ACOX3: variants seen among roughly 807,000 people sequenced by gnomAD.
ACOX3 encodes peroxisomal acyl-coenzyme A oxidase 3.
In ACOX3, 73 loss-of-function variants were observed where a neutral mutation model predicts 81.5. The ratio of observed to expected loss-of-function variants is 0.90; its 90% CI spans 0.74 to 1.09. The LOEUF (loss-of-function observed/expected upper bound fraction) is 1.09, where lower values mean the gene tolerates loss of function less well. Ranked by LOEUF, ACOX3 falls within the 50% of genes least tolerant of loss-of-function variation. The probability of loss-of-function intolerance (pLI) is 0.00; values close to 1 mark genes in which losing one functional copy is unlikely to be tolerated. For synonymous variants in ACOX3, 387 were observed against 375.1 expected, an observed-to-expected ratio of 1.03 and a Z score of -0.37; for missense variants, 947 against 928.0, an observed-to-expected ratio of 1.02 and a Z score of -0.27.
At chr4:8,356,828 C>T in the ACOX3 span, 1 of 456,318 alleles carries the variant, frequency 2.2e-6, no homozygotes, top group Non-Finnish European at 4.4e-6. Context: ...ATGATCCCAG[C>T]AGGTGAGAGG....
intron 14 of ACOX3, among the ~76,000 whole-genome samples, chr4:8,378,548 A>G (rs28541824): frequency 0.33 from 49,597 of 151,296 alleles, 11,776 homozygotes; most frequent in African/African-American, 0.68. Flanking sequence ...AGCAGGCTGC[A>G]GGGACGCCAC....
chr4:8,426,589 G>A (rs1390872843), intron 1 of ACOX3, among the ~76,000 whole-genome samples: 1 of 141,182 alleles, frequency 7.1e-6, no homozygotes, highest in African/African-American at 2.7e-5. Context: ...ACTACCAGTA[G>A]CTCCCCTTAC....
chr4:8,360,472 CTTTTTT>C, the ACOX3 span, among the ~76,000 whole-genome samples: 1 of 135,542 alleles, frequency 7.4e-6, no homozygotes. Flanking sequence ...GCTTCTTTGA[CTTTTTT>C]TTTTTTTTTT....
At chr4:8,362,634 C>T (rs62285994), downstream of ACOX3, among the ~76,000 whole-genome samples, 36,583 of 152,132 alleles carry the variant, frequency 0.24, 5,101 homozygotes, top group East Asian at 0.5. Flanking sequence ...AGCCCCTTGG[C>T]GAAATGCCTC....
intron 10 of ACOX3, 21 bp from the exon 11 acceptor site, chr4:8,392,474 CA>C (rs1269640620): frequency 7.8e-6 from 12 of 1,536,570 alleles, no homozygotes; most frequent in African/African-American, 5.6e-5. Context: ...GGGAATCCAA[CA>C]AGAACAGGTG....
At position 8,373,412 on chromosome 4, in the gene ACOX3, T is replaced by TC. The variant is rs1279282835; in HGVS notation, c.1896+148_1896+149insG. The stretch of plus-strand genomic sequence containing the variant: ...GTCGGTCTGGGTAAGGGGGTGCGTG[T>TC]AGGCTCTGGGTGACGCTAAGGGGGT... On this transcript the variant is annotated intron_variant, in intron 16 of 17. Coordinates refer to ENST00000356406, the MANE Select transcript of ACOX3 (RefSeq NM_003501.3). 22 of 783,004 alleles carry TC rather than the reference T, an allele frequency of 2.8e-5. No individual in the cohort carries two copies. The African/African-American group carries it at 3.6e-4, about 13-fold the overall frequency. The allele number at this position is 783,004 out of a possible 1,614,324, so 48.5% of individuals were successfully genotyped here. A position where few individuals can be genotyped will look rare whatever the true frequency, so the allele number is the denominator to read the frequency against.
intron 1 of ACOX3, among the ~76,000 whole-genome samples, chr4:8,417,358 G>C (rs1722450155): frequency 6.6e-6 from 1 of 152,250 alleles, no homozygotes; most frequent in Non-Finnish European, 1.5e-5. Flanking sequence ...CGCTCAGGAT[G>C]CTGACTCCCC....
At chr4:8,369,301 G>C (rs1715859339) in intron 17 of ACOX3, among the ~76,000 whole-genome samples, 1 of 152,122 alleles carries the variant, frequency 6.6e-6, no homozygotes, top group Non-Finnish European at 1.5e-5. Flanking sequence ...CCTCTCCCAG[G>C]AAGGTGGGTA....
chr4:8,410,153 T>C (rs1270025286), intron 6 of ACOX3, 59 bp downstream of exon 6: 2 of 1,570,464 alleles, frequency 1.3e-6, no homozygotes, highest in South Asian at 2.3e-5. Context: ...ACTCCAGACA[T>C]TACCAGTGCT....
At chr4:8,429,600 C>T (rs776624305) in intron 1 of ACOX3, among the ~76,000 whole-genome samples, 4 of 152,064 alleles carry the variant, frequency 2.6e-5, no homozygotes, top group African/African-American at 9.7e-5. Context: ...GAAGGGGCTG[C>T]CAGTGAAAGA....
chr4:8,418,537 C>G (rs917605973), intron 1 of ACOX3, among the ~76,000 whole-genome samples: 4 of 151,140 alleles, frequency 2.6e-5, no homozygotes, highest in Non-Finnish European at 5.9e-5. Context: ...GCAAAGGGTT[C>G]AAATAGACAT....
Position 8,399,342 on chromosome 4 carries a change from C to T in ACOX3, c.873+214G>A, listed in dbSNP as rs547758383. ...GAGTGGGCATTGTAAGGCCCGGACT[C>T]ACCCCCTGGACACCAGCACCTGGTG... On this transcript the variant is annotated intron_variant, in intron 8 of 17. Transcript: ENST00000356406. This position sits in a 1 kb window ranked among gnomAD's most constrained non-coding sequence, Gnocchi z 4.9. Among the ~76,000 whole-genome samples, 1 of 152,312 alleles carries T rather than the reference C, an allele frequency of 6.6e-6. No homozygotes were observed. Among genetic ancestry groups the T allele is most frequent in the South Asian group, 2.1e-4 (1 of 4,824 alleles).
intron 3 of ACOX3, among the ~76,000 whole-genome samples, chr4:8,415,514 T>C (rs1722229269): frequency 6.6e-6 from 1 of 151,520 alleles, no homozygotes; most frequent in Non-Finnish European, 1.5e-5. Flanking sequence ...CTTCACCACA[T>C]TGTATTTTAT....
chr4:8,394,905 C>T lies in ACOX3; in HGVS notation c.1057-163G>A. Reference sequence around the variant, plus strand: ...TCCCGGCACATCAGAAAGCCTTCACCCTGACACGCTCTCAACTCAGCCAGT... The same window carrying T: ...TCCCGGCACATCAGAAAGCCTTCACTCTGACACGCTCTCAACTCAGCCAGT... On this transcript the variant is annotated intron_variant, in intron 9 of 17. Coordinates refer to ENST00000356406, the MANE Select transcript of ACOX3 (RefSeq NM_003501.3). This position sits in a 1 kb window ranked among gnomAD's most constrained non-coding sequence, Gnocchi z 5.9. The T allele has an allele frequency of 1.1e-6, 1 of 942,388 alleles. No individual in the cohort carries two copies. 58.4% of individuals were successfully genotyped at this position (942,388 alleles called of 1,614,324 possible).
At chr4:8,390,391 C>T (rs1441608682) in intron 11 of ACOX3, among the ~76,000 whole-genome samples, 1 of 152,018 alleles carries the variant, frequency 6.6e-6, no homozygotes, top group Non-Finnish European at 1.5e-5. Flanking sequence ...AAAGAACTGC[C>T]ACCTGTGCTT....
Position 8,400,253 on chromosome 4 carries a change from T to TAATAATAATAATAAGACTCCACCTC in ACOX3, c.777-602_777-601insGAGGTGGAGTCTTATTATTATTATT, listed in dbSNP as rs1462205910. 1.7e-4 allele frequency among the ~76,000 whole-genome samples: 5 copies of TAATAATAATAATAAGACTCCACCTC among 28,874 alleles called. No homozygotes were observed. The highest frequency in any genetic ancestry group is 1.1e-3 in the Admixed American group (4 of 3,654). 18.9% of individuals were successfully genotyped at this position (28,874 alleles called of 152,430 possible). A position where few individuals can be genotyped will look rare whatever the true frequency, so the allele number is the denominator to read the frequency against. On this transcript the variant is annotated intron_variant, in intron 7 of 17. Coordinates refer to ENST00000356406, the MANE Select transcript of ACOX3 (RefSeq NM_003501.3). This position sits in a 1 kb window ranked among gnomAD's most constrained non-coding sequence, Gnocchi z 4.4. ...GTGACAGAGCAAGACTCCACCTCAATAATAATAATAATAATAATAATAATA... is the reference window on the plus strand; with the variant it reads ...GTGACAGAGCAAGACTCCACCTCAATAATAATAATAATAAGACTCCACCTCAATAATAATAATAATAATAATAATA...
At position 8,415,848 on chromosome 4, in the gene ACOX3, C is replaced by T. The variant is rs1346356838; in HGVS notation, c.296G>A (p.Ser99Asn). Residue 99 changes from serine to asparagine, a missense_variant, in exon 3 of 18, where the codon AGC becomes AAC. Physicochemically the swap from Ser to Asn is conservative, Grantham distance 46. Coordinates refer to ENST00000356406, the MANE Select transcript of ACOX3 (RefSeq NM_003501.3). ...AATCAAGGCGGGGACCTTCAGAGGG[C>T]TCTTGAACATGTCTTCGACACTGAG... is the stretch of plus-strand genomic sequence containing the variant. ...DFLSVEDMFKSPLKVPALIQC... is the reference protein window; with the variant it reads ...DFLSVEDMFKNPLKVPALIQC... 5 of 1,614,164 alleles carry T rather than the reference C, an allele frequency of 3.1e-6. No homozygotes were observed. In the South Asian group the frequency reaches 3.3e-5, roughly 11 times the overall value.
chr4:8,404,315 C>T (rs377177821), intron 7 of ACOX3, among the ~76,000 whole-genome samples: 2 of 152,350 alleles, frequency 1.3e-5, no homozygotes, highest in Admixed American at 6.5e-5. Context: ...CGCTCTCCTC[C>T]CTGCCAGCTC....
intron 1 of ACOX3, among the ~76,000 whole-genome samples, chr4:8,424,852 T>C (rs1723305061): frequency 6.6e-6 from 1 of 152,210 alleles, no homozygotes; most frequent in African/African-American, 2.4e-5. Flanking sequence ...CGGAAGTTCC[T>C]TTGTAGAAAA....
Sources: allele counts gnomAD v4.1 joint callset (sites outside exome capture counted in the v4.1 genomes callset), GRCh38; gene constraint gnomAD v4.1.1; non-coding constraint Gnocchi (gnomAD v3.1); transcripts MANE v1.5; gene names NCBI Gene and HGNC (gene_info 2026-07-23, HGNC 2026-07-21).